The following GRM5 variants were observed in gnomAD, a reference collection of about 807,000 sequenced individuals.
The protein encoded by GRM5 is glutamate metabotropic receptor 5, also known as metabotropic glutamate receptor 5.
In GRM5, 19 loss-of-function variants were observed where a neutral mutation model predicts 83.1. That is an observed-to-expected ratio of 0.23 (90% CI 0.16 to 0.34). The LOEUF is 0.34. Among genes scored for constraint, GRM5 ranks in the 10% least tolerant of loss-of-function variants. The probability of loss-of-function intolerance (pLI) is 1.00; values close to 1 mark genes in which losing one functional copy is unlikely to be tolerated. For synonymous variants in GRM5, 675 were observed against 633.6 expected (o/e 1.07, Z -0.98); for missense variants, 1,160 against 1,588.3 (o/e 0.73, Z 4.58).
chr11:88,651,431 A>G lies in GRM5; in HGVS notation c.1147+1737T>C, dbSNP rs530400286. Among the ~76,000 whole-genome samples, 3 of 152,166 alleles carry G rather than the reference A, an allele frequency of 2.0e-5. No individual in the cohort carries two copies. The South Asian group carries it at 6.2e-4, about 32-fold the overall frequency. On this transcript the variant is annotated intron_variant, in intron 4 of 9. Transcript: ENST00000305447. ...ACTGCTTACCTTTCAGAACTCCTTCAATGAAGCTACACATAGTAATAATTA... is the reference window on the plus strand; with the variant it reads ...ACTGCTTACCTTTCAGAACTCCTTCGATGAAGCTACACATAGTAATAATTA...
At chr11:88,570,571 A>ATATATATATATATATTTTTTTTTT (rs1405339448) in intron 7 of GRM5, among the ~76,000 whole-genome samples, 1 of 46,378 alleles carries the variant, frequency 2.2e-5, no homozygotes, top group African/African-American at 1.3e-4. Context: ...ATATATATAT[A>ATATATATATATATATTTTTTTTTT]TTTTTTTTTT....
At chr11:88,511,514 T>C (rs1434211607) in intron 9 of GRM5, among the ~76,000 whole-genome samples, 1 of 152,238 alleles carries the variant, frequency 6.6e-6, no homozygotes, top group East Asian at 1.9e-4. Flanking sequence ...CCATGTAATC[T>C]ACCCAATATA....
intron 2 of GRM5, among the ~76,000 whole-genome samples, chr11:88,862,289 A>G (rs1944578680): frequency 2.0e-5 from 3 of 152,104 alleles, no homozygotes; most frequent in Non-Finnish European, 4.4e-5. Flanking sequence ...ATTCTAAGAA[A>G]CCTTAGAGAG....
intron 1 of GRM5, among the ~76,000 whole-genome samples, chr11:89,065,154 C>T (rs978389623): frequency 6.6e-6 from 1 of 151,612 alleles, no homozygotes; most frequent in African/African-American, 2.4e-5. Flanking sequence ...AGTCGGGTCC[C>T]TTCTTTGCTG....
chr11:88,551,492 G>C (rs1428337658), intron 8 of GRM5, among the ~76,000 whole-genome samples: 1 of 152,108 alleles, frequency 6.6e-6, no homozygotes, highest in African/African-American at 2.4e-5. Context: ...ATAGTAAAAG[G>C]CTACGTGCCC....
chr11:88,838,868 TACAC>T (rs59388840), intron 3 of GRM5, among the ~76,000 whole-genome samples: 22,903 of 144,614 alleles, frequency 0.16, 2,905 homozygotes, highest in African/African-American at 0.34. Context: ...CCCCTTATGC[TACAC>T]ACACACACAC....
intron 4 of GRM5, among the ~76,000 whole-genome samples, chr11:88,640,727 T>A (rs1300050468): frequency 6.6e-6 from 1 of 152,126 alleles, no homozygotes; most frequent in African/African-American, 2.4e-5. Flanking sequence ...ATTTACCAGT[T>A]CATTATAAAA....
chr11:88,585,685 T>G (rs571944685), intron 7 of GRM5, among the ~76,000 whole-genome samples: 1 of 152,270 alleles, frequency 6.6e-6, no homozygotes, highest in South Asian at 2.1e-4. Context: ...TAAGTTAGCT[T>G]TTACTGTTAT....
rs377281884 is a variant in GRM5, at chr11:88,519,866, A to T, written c.2726+5443T>A. Among the ~76,000 whole-genome samples, 8 of 152,312 alleles carry T rather than the reference A, an allele frequency of 5.3e-5. No individual in the cohort carries two copies. The East Asian group carries it at 1.5e-3, about 29-fold the overall frequency. ...CTATTGTGTGTCAGGCAATATGCTA[A>T]GTGCTGTACTTATATAATTCCATTT... On this transcript the variant is annotated intron_variant, in intron 9 of 9. Coordinates refer to ENST00000305447, the MANE Select transcript of GRM5 (RefSeq NM_001143831.3).
chr11:88,558,497 A>G (rs370397342), intron 8 of GRM5, among the ~76,000 whole-genome samples: 19 of 152,218 alleles, frequency 1.2e-4, no homozygotes, highest in African/African-American at 4.6e-4. Flanking sequence ...GAGATTTCAC[A>G]GGCTGCACTC....
intron 3 of GRM5, among the ~76,000 whole-genome samples, chr11:88,655,240 T>G (rs1939736689): frequency 6.6e-6 from 1 of 152,100 alleles, no homozygotes; most frequent in South Asian, 2.1e-4. Context: ...GAAGATTTTA[T>G]TTAAAGCTGA....
At chr11:88,509,748 T>G (rs1941311011) in intron 9 of GRM5, among the ~76,000 whole-genome samples, 1 of 152,168 alleles carries the variant, frequency 6.6e-6, no homozygotes, top group South Asian at 2.1e-4. Flanking sequence ...TGAAAATGTG[T>G]CAAAGGGGAT....
At chr11:88,949,465 G>A (rs1470099145) in intron 2 of GRM5, among the ~76,000 whole-genome samples, 1 of 152,102 alleles carries the variant, frequency 6.6e-6, no homozygotes, top group East Asian at 1.9e-4. Flanking sequence ...CTAAATATTT[G>A]TTAAGTGAAC....
chr11:88,729,242 A>G (rs7951864), intron 3 of GRM5, among the ~76,000 whole-genome samples: 97,445 of 151,874 alleles, frequency 0.64, 33,355 homozygotes, highest in South Asian at 0.84. Flanking sequence ...ACAGACAAAC[A>G]GAGAGCCAAA....
intron 2 of GRM5, among the ~76,000 whole-genome samples, chr11:88,878,897 T>A (rs1302435399): frequency 1.3e-5 from 2 of 152,108 alleles, no homozygotes; most frequent in African/African-American, 4.8e-5. Flanking sequence ...ACTATAGGAA[T>A]AAAAATCAGA....
At chr11:88,705,742 A>G (rs1344490889) in intron 3 of GRM5, among the ~76,000 whole-genome samples, 2 of 151,460 alleles carry the variant, frequency 1.3e-5, no homozygotes, top group African/African-American at 2.4e-5. Context: ...AAAAAATCCA[A>G]TCTGATCTTA....
At chr11:89,022,295 A>G (rs1216654403) in intron 2 of GRM5, among the ~76,000 whole-genome samples, 1 of 152,052 alleles carries the variant, frequency 6.6e-6, no homozygotes, top group Non-Finnish European at 1.5e-5. Flanking sequence ...TCATATACCA[A>G]CTACTTAAAT....
intron 2 of GRM5, among the ~76,000 whole-genome samples, chr11:89,028,945 A>AC (rs1023938837): frequency 1.4e-5 from 2 of 141,870 alleles, no homozygotes; most frequent in South Asian, 4.7e-4. Flanking sequence ...CCAGTCCCCC[A>AC]CCCCCCTACG....
In GRM5 at chr11:88,627,654, CA is replaced by C. The variant is rs147078231; in HGVS notation, c.1148-22691del. Among the ~76,000 whole-genome samples, 16 of 152,218 alleles carry C rather than the reference CA, an allele frequency of 1.1e-4. No homozygotes were observed. The East Asian group carries it at 3.1e-3, about 30-fold the overall frequency. On this transcript the variant is annotated intron_variant, in intron 4 of 9. Coordinates refer to ENST00000305447, the MANE Select transcript of GRM5 (RefSeq NM_001143831.3). ...TATTTCTCTACTTGCAAAATTTTCT[CA>C]ATCACCTAAAATTGAATCTTTTAAG... is the stretch of plus-strand genomic sequence containing the variant.
Sources: gnomAD v4.1 joint callset for allele counts (sites outside exome capture counted in the v4.1 genomes callset) on GRCh38, gnomAD v4.1.1 for gene constraint, MANE v1.5 for transcripts, NCBI Gene and HGNC (gene_info 2026-07-23, HGNC 2026-07-21) for gene names.